Variants in CDH26 observed in about 807,000 individuals in gnomAD.
The protein encoded by CDH26 is cadherin 26.
Under a neutral mutation model 90.3 loss-of-function variants are expected in CDH26, and 83 were observed. The observed-to-expected ratio is 0.92, with a 90% CI of 0.77 to 1.10. CDH26 has a LOEUF of 1.10. Ranked by LOEUF, CDH26 falls within the 50% of genes least tolerant of loss-of-function variation. The pLI is 0.00. For missense variants in CDH26, 1,013 were observed against 1,037.6 expected (o/e 0.98, Z 0.33); for synonymous variants, 397 against 396.3 (o/e 1.00, Z -0.02).
At chr20:59,970,936 C>T (rs1388671769) in intron 3 of CDH26, among the ~76,000 whole-genome samples, 1 of 152,168 alleles carries the variant, frequency 6.6e-6, no homozygotes, top group East Asian at 1.9e-4. Flanking sequence ...CACATTCCCA[C>T]ATTACAACAA....
chr20:60,019,377 A>G (rs2061933866), downstream of CDH26, among the ~76,000 whole-genome samples: 1 of 152,190 alleles, frequency 6.6e-6, no homozygotes, highest in Non-Finnish European at 1.5e-5. Flanking sequence ...GGTGTCCCAT[A>G]AATCCTGTAG....
At chr20:60,002,762 C>T (rs1465412599) in intron 15 of CDH26, 51 bp from the exon 16 acceptor site, 2 of 1,426,616 alleles carry the variant, frequency 1.4e-6, no homozygotes, top group Admixed American at 1.9e-5. Context: ...TATGTATTTG[C>T]ATCCTTTGGT....
intron 4 of CDH26, among the ~76,000 whole-genome samples, chr20:59,979,405 G>T (rs1489910915): frequency 6.6e-6 from 1 of 151,686 alleles, no homozygotes; most frequent in Non-Finnish European, 1.5e-5. Flanking sequence ...CACCATGTTG[G>T]TCAGAATGGC....
In CDH26 at chr20:60,013,861, C is replaced by T. The variant is rs2146025511; in HGVS notation, c.*1131C>T. On this transcript the variant is annotated 3_prime_UTR_variant, in exon 18 of 18. Coordinates refer to ENST00000348616, the MANE Select transcript of CDH26 (RefSeq NM_177980.4). Reference sequence around the variant, plus strand: ...TTCCTACCTGGTTACCTCAGTCTTCCTCTGCTTTGGGAAGCTGAAAAAGAA... The same window carrying T: ...TTCCTACCTGGTTACCTCAGTCTTCTTCTGCTTTGGGAAGCTGAAAAAGAA... 6.6e-6 allele frequency: 1 copy of T among 152,212 alleles called. No homozygotes were observed. The highest frequency in any genetic ancestry group is 2.1e-4 in the South Asian group (1 of 4,814). The allele number at this position is 152,212 out of a possible 1,614,324, so 9.4% of individuals were successfully genotyped here.
At chr20:60,025,261 G>T (rs1876175479) in intron 7 of CDH26, among the ~76,000 whole-genome samples, 1 of 152,240 alleles carries the variant, frequency 6.6e-6, no homozygotes, top group Admixed American at 6.5e-5. Context: ...ATAAACGTGT[G>T]CTATGCTTTA....
At position 60,012,609 on chromosome 20, in the gene CDH26, C is replaced by T; in HGVS notation, c.2378C>T (p.Ala793Val). 6.2e-7 allele frequency: 1 copy of T among 1,614,148 alleles called. No homozygotes were observed. Among genetic ancestry groups the T allele is most frequent in the Non-Finnish European group, 8.5e-7 (1 of 1,180,024 alleles). ...AGCGAGGAAGGGGAGTGTGGAGGGG[C>T]CCCATCCCTCAGCTCTCTGGCCAGC... is the stretch of plus-strand genomic sequence containing the variant. ...VYSEEGECGGAPSLSSLASLE... is the reference protein window; with the variant it reads ...VYSEEGECGGVPSLSSLASLE... Residue 793 changes from alanine to valine, a missense_variant, in exon 18 of 18, where the codon GCC becomes GTC. By Grantham distance (64) the Ala-to-Val change is moderately conservative. Transcript: ENST00000348616.
Position 59,996,140 on chromosome 20 carries a change from A to T in CDH26, c.1888+86A>T, listed in dbSNP as rs539582007. ...GGTAAGGGGCTTGCTGGGGTAGGGG[A>T]CAGCGGTGGCAGGATTGGTGGAATG... On this transcript the variant is annotated intron_variant, in intron 12 of 17. Transcript: ENST00000348616. 3.7e-6 allele frequency: 5 copies of T among 1,343,342 alleles called. No individual in the cohort carries two copies. In the South Asian group the frequency reaches 5.2e-5, roughly 14 times the overall value. The allele number at this position is 1,343,342 out of a possible 1,614,324, so 83.2% of individuals were successfully genotyped here. A position where few individuals can be genotyped will look rare whatever the true frequency, so the allele number is the denominator to read the frequency against.
chr20:60,005,711 C>T (rs558924149), intron 16 of CDH26, among the ~76,000 whole-genome samples: 2 of 152,326 alleles, frequency 1.3e-5, no homozygotes, highest in Admixed American at 6.5e-5. Context: ...CTTGCCATTG[C>T]ACCTGGGATA....
At chr20:60,005,474 A>ATG (rs2061734873) in intron 16 of CDH26, among the ~76,000 whole-genome samples, 1 of 146,164 alleles carries the variant, frequency 6.8e-6, no homozygotes, top group Non-Finnish European at 1.5e-5. Context: ...GCATGTGTAT[A>ATG]TATCTGTATG....
Position 59,969,732 on chromosome 20 carries a change from A to G in CDH26, c.127-350A>G, listed in dbSNP as rs371753113. On this transcript the variant is annotated intron_variant, in intron 2 of 17. Transcript: ENST00000348616. ...TCAATAATTTCAGGAAGACTGAGAG[A>G]TAAATGGAAGTGGGAAAACTTTCTC... Among the ~76,000 whole-genome samples, 22 of 152,244 alleles carry G rather than the reference A, an allele frequency of 1.4e-4. 1 individual carries two copies. The highest frequency in any genetic ancestry group is 1.2e-3 in the Admixed American group (19 of 15,284).
chr20:59,969,490 T>G (rs1273079779), intron 2 of CDH26, among the ~76,000 whole-genome samples: 3 of 152,228 alleles, frequency 2.0e-5, no homozygotes, highest in African/African-American at 7.2e-5. Context: ...TTAATGTGGC[T>G]AGAAACCAAC....
downstream of CDH26, among the ~76,000 whole-genome samples, chr20:60,016,551 T>A (rs564622635): frequency 1.5e-4 from 23 of 152,174 alleles, no homozygotes; most frequent in African/African-American, 2.4e-4. Flanking sequence ...GATTATGTCA[T>A]CTGCAAACAG....
chr20:60,012,907 T>C lies in CDH26; in HGVS notation c.*177T>C. The C allele has an allele frequency of 1.8e-6, 1 of 570,068 alleles. No homozygotes were observed. The highest frequency in any genetic ancestry group is 3.0e-6 in the Non-Finnish European group (1 of 333,432). The allele number at this position is 570,068 out of a possible 1,614,324, so 35.3% of individuals were successfully genotyped here. On this transcript the variant is annotated 3_prime_UTR_variant, in exon 18 of 18. Coordinates refer to ENST00000348616, the MANE Select transcript of CDH26 (RefSeq NM_177980.4). ...TTTGATATTCTCAGATCAGCCATCT[T>C]GAACCAAAGCAAAACCACAAGTTAC...
intron 1 of CDH26, 65 bp downstream of exon 1, chr20:59,958,860 T>C (rs2061031536): frequency 6.6e-7 from 1 of 1,526,572 alleles, no homozygotes; most frequent in Admixed American, 1.9e-5. Context: ...AAGCTGGCCC[T>C]GCCCCTTCTA....
At chr20:59,985,253 C>T (rs1343262360) in intron 7 of CDH26, 124 bp downstream of exon 7, 2 of 1,140,490 alleles carry the variant, frequency 1.8e-6, no homozygotes, top group Non-Finnish European at 2.4e-6. Flanking sequence ...ATACCTCAGA[C>T]TGGGTAATTT....
chr20:60,017,901 T>C (rs369288546), downstream of CDH26, among the ~76,000 whole-genome samples: 11 of 152,204 alleles, frequency 7.2e-5, no homozygotes, highest in East Asian at 1.3e-3. Context: ...AATTTCCATG[T>C]ATTTGTATAG....
intron 14 of CDH26, 50 bp downstream of exon 14, chr20:59,999,713 G>C (rs922055635): frequency 6.3e-7 from 1 of 1,575,230 alleles, no homozygotes. Flanking sequence ...GACTTTCCTG[G>C]TGGTTTCCCT....
intron 1 of CDH26, among the ~76,000 whole-genome samples, chr20:59,967,995 CTTTCTTTCTT>C (rs1249387982): frequency 8.6e-6 from 1 of 115,826 alleles, no homozygotes; most frequent in Non-Finnish European, 1.8e-5. Flanking sequence ...TTCTTTCTTT[CTTTCTTTCTT>C]TCTTTCTTCC....
intron 7 of CDH26, among the ~76,000 whole-genome samples, chr20:60,024,976 T>A (rs1321442881): frequency 6.6e-6 from 1 of 152,146 alleles, no homozygotes; most frequent in Non-Finnish European, 1.5e-5. Flanking sequence ...CTCTCCTCCC[T>A]CTCCCTGCAG....
Sources: allele counts gnomAD v4.1 joint callset (sites outside exome capture counted in the v4.1 genomes callset), GRCh38; gene constraint gnomAD v4.1.1; transcripts MANE v1.5; gene names NCBI Gene and HGNC (gene_info 2026-07-23, HGNC 2026-07-21).